Variants in ING1 observed in about 807,000 individuals in gnomAD.
The protein encoded by ING1 is inhibitor of growth protein 1.
ING1 carries 4 observed loss-of-function variants against 23.1 expected under a neutral mutation model. That is an observed-to-expected ratio of 0.17 (90% CI 0.09 to 0.40). ING1 has a LOEUF of 0.40. Ranked by LOEUF, ING1 falls within the 10% of genes least tolerant of loss-of-function variation. The pLI is 1.00. For synonymous variants in ING1, 179 were observed against 166.4 expected, an observed-to-expected ratio of 1.08 and a Z score of -0.58; for missense variants, 256 against 393.8, an observed-to-expected ratio of 0.65 and a Z score of 2.96.
intron 1 of ING1, chr13:110,714,880 A>T: frequency 1.5e-6 from 1 of 673,664 alleles, no homozygotes; most frequent in Non-Finnish European, 1.8e-6. Context: ...GGAGCTGGAC[A>T]CCGAGTAGGG....
Position 110,714,013 on chromosome 13 carries a change from C to T in ING1, c.-137C>T. Reference sequence around the variant, plus strand: ...GGACGGGCTCGGCAGATGTAGCCGCCGGGCCGAAGCAGGAGCCGGCGGGGG... The same window carrying T: ...GGACGGGCTCGGCAGATGTAGCCGCTGGGCCGAAGCAGGAGCCGGCGGGGG... On this transcript the variant is annotated 5_prime_UTR_variant, in exon 1 of 2. Coordinates refer to ENST00000333219, the MANE Select transcript of ING1 (RefSeq NM_198219.3). 8.5e-7 allele frequency: 1 copy of T among 1,182,188 alleles called. No homozygotes were observed. 73.2% of individuals were successfully genotyped at this position (1,182,188 alleles called of 1,614,324 possible).
At chr13:110,715,728 G>T (rs1355897957) in intron 1 of ING1, 4 of 1,587,318 alleles carry the variant, frequency 2.5e-6, no homozygotes, top group Middle Eastern at 1.7e-4. Flanking sequence ...CCAAATCGGC[G>T]ATTCCCATAG....
chr13:110,715,308 C>G (rs1251879258), intron 1 of ING1: 4 of 1,401,932 alleles, frequency 2.9e-6, no homozygotes, highest in Non-Finnish European at 3.7e-6. Context: ...CCGCTATCCC[C>G]GAAAGTACTA....
At position 110,719,266 on chromosome 13, in the gene ING1, C is replaced by T. The variant is rs762850391; in HGVS notation, c.174C>T (p.Phe58=). The T allele has an allele frequency of 1.2e-6, 2 of 1,612,788 alleles. No individual in the cohort carries two copies. Among genetic ancestry groups the T allele is most frequent in the Admixed American group, 3.3e-5 (2 of 60,030 alleles). ...LKELDECYER[F]SRETDGAQKR... is the part of the protein sequence containing the mutation. ...AGCTAGACGAGTGCTACGAGCGCTT[C>T]AGTCGCGAGACAGACGGGGCGCAGA... is the stretch of plus-strand genomic sequence containing the variant. Residue 58 remains phenylalanine (F), a synonymous_variant, in exon 2 of 2, where the codon TTC becomes TTT. Transcript: ENST00000333219. This position sits in a 1 kb window ranked among gnomAD's most constrained non-coding sequence, Gnocchi z 8.9.
At chr13:110,715,897 G>A (rs2064116299) in intron 1 of ING1, 2 of 1,586,158 alleles carry the variant, frequency 1.3e-6, no homozygotes, top group African/African-American at 1.3e-5. Flanking sequence ...GTGGGCTCGG[G>A]GCCGGGGCTG....
At chr13:110,716,175 C>A (rs2064121429) in intron 1 of ING1, among the ~76,000 whole-genome samples, 1 of 152,070 alleles carries the variant, frequency 6.6e-6, no homozygotes, top group South Asian at 2.1e-4. Flanking sequence ...AAAAAAGTAG[C>A]GCGGGGCGGG....
At chr13:110,713,473 C>A, upstream of ING1, 2 of 989,454 alleles carry the variant, frequency 2.0e-6, no homozygotes, top group Non-Finnish European at 2.4e-6. Context: ...CGTCCACACC[C>A]CAGCGGCCCT....
intron 1 of ING1, chr13:110,715,916 AC>A (rs2139969961): frequency 6.4e-7 from 1 of 1,574,410 alleles, no homozygotes. Flanking sequence ...TGCAGTTCGG[AC>A]CGCCTCCCGC....
At chr13:110,716,797 A>G (rs2064127433) in intron 1 of ING1, among the ~76,000 whole-genome samples, 1 of 152,242 alleles carries the variant, frequency 6.6e-6, no homozygotes, top group African/African-American at 2.4e-5. Flanking sequence ...AAAAGGCAGT[A>G]GTGTCTGAAG....
intron 1 of ING1, chr13:110,715,560 T>C (rs756267670): frequency 3.1e-6 from 5 of 1,614,090 alleles, no homozygotes; most frequent in Non-Finnish European, 4.2e-6. Flanking sequence ...GTCTTCTTTT[T>C]TCTTTTTCGG....
At chr13:110,712,800 G>A (rs1359792380), upstream of ING1, 1 of 762,620 alleles carries the variant, frequency 1.3e-6, no homozygotes, top group East Asian at 2.7e-5. Context: ...GCGCCCCTCG[G>A]GCCTATCCAC....
chr13:110,715,777 C>A, intron 1 of ING1: 1 of 1,590,426 alleles, frequency 6.3e-7, no homozygotes, highest in Non-Finnish European at 8.5e-7. Context: ...CTCCCGCTGG[C>A]CTCCTCCCCA....
At chr13:110,714,983 G>C (rs2064095759) in intron 1 of ING1, 1 of 990,584 alleles carries the variant, frequency 1.0e-6, no homozygotes, top group Non-Finnish European at 1.2e-6. Flanking sequence ...AAGGGGAGGA[G>C]CGGAGGCGGG....
chr13:110,714,207 C>T lies in ING1; in HGVS notation c.58C>T (p.Leu20=), dbSNP rs751059042. 5 of 1,569,810 alleles carry T rather than the reference C, an allele frequency of 3.2e-6. No homozygotes were observed. Among genetic ancestry groups the T allele is most frequent in the Non-Finnish European group, 4.3e-6 (5 of 1,160,120 alleles). ...CCTGGTGAACTATGTGGAGGACTACCTGGACTCCATCGAGTCCCTGCCTTT... is the reference window on the plus strand; with the variant it reads ...CCTGGTGAACTATGTGGAGGACTACTTGGACTCCATCGAGTCCCTGCCTTT... ...LHLVNYVEDY[L]DSIESLPFDL... Residue 20 remains leucine (L), a synonymous_variant, in exon 1 of 2, where the codon CTG becomes TTG. Coordinates refer to ENST00000333219, the MANE Select transcript of ING1 (RefSeq NM_198219.3).
At position 110,722,921 on chromosome 13, in the gene ING1, G is replaced by A. The variant is rs1178580796; in HGVS notation, c.*2989G>A. 3 of 152,048 alleles carry A rather than the reference G, an allele frequency of 2.0e-5. No homozygotes were observed. The highest frequency in any genetic ancestry group is 2.9e-5 in the Non-Finnish European group (2 of 68,010). 9.4% of individuals were successfully genotyped at this position (152,048 alleles called of 1,614,324 possible). A position where few individuals can be genotyped will look rare whatever the true frequency, so the allele number is the denominator to read the frequency against. The stretch of plus-strand genomic sequence containing the variant: ...AAAGATCCTGGAATCCCGACATGAG[G>A]ACAAAAATGGTACTGAATTCTTTTT... On this transcript the variant is annotated 3_prime_UTR_variant, in exon 2 of 2. Transcript: ENST00000333219.
rs1348817843 is a variant in ING1 at position 110,723,074 on chromosome 13, T to C, written c.*3142T>C. The stretch of plus-strand genomic sequence containing the variant: ...TAAAGGGTCCAAAGTGTTTTCGTTA[T>C]GATATAATACTTTCTATTGTAAACT... On this transcript the variant is annotated 3_prime_UTR_variant, in exon 2 of 2. Transcript: ENST00000333219. The C allele has an allele frequency of 1.3e-5, 2 of 152,238 alleles. No homozygotes were observed. The highest frequency in any genetic ancestry group is 4.8e-5 in the African/African-American group (2 of 41,450). 9.4% of individuals were successfully genotyped at this position (152,238 alleles called of 1,614,324 possible).
intron 1 of ING1, chr13:110,715,008 G>A: frequency 1.0e-6 from 1 of 992,294 alleles, no homozygotes; most frequent in South Asian, 4.6e-5. Context: ...GCGCCCATCT[G>A]CGCTGCGCTC....
chr13:110,719,287 G>C lies in ING1; in HGVS notation c.195G>C (p.Ala65=). 2.5e-6 allele frequency: 4 copies of C among 1,611,540 alleles called. No individual in the cohort carries two copies. The highest frequency in any genetic ancestry group is 3.4e-6 in the Non-Finnish European group (4 of 1,179,946). Residue 65 remains alanine, a synonymous_variant, in exon 2 of 2, where the codon GCG becomes GCC. Transcript: ENST00000333219. This position sits in a 1 kb window ranked among gnomAD's most constrained non-coding sequence, Gnocchi z 8.9. ...YERFSRETDG[A]QKRRMLHCVQ... is the part of the protein sequence containing the mutation. ...GCTTCAGTCGCGAGACAGACGGGGCGCAGAAGCGGCGGATGCTGCACTGTG... is the reference window on the plus strand; with the variant it reads ...GCTTCAGTCGCGAGACAGACGGGGCCCAGAAGCGGCGGATGCTGCACTGTG...
At position 110,714,295 on chromosome 13, in the gene ING1, G is replaced by T. The variant is rs773523475; in HGVS notation, c.136+10G>T. ...GACGCGAAATACCAAGGTACGGCCG[G>T]GTGATGGATGGGCGGGGGCGGCCGC... is the stretch of plus-strand genomic sequence containing the variant. On this transcript the variant is annotated intron_variant, in intron 1 of 1. Transcript: ENST00000333219. 7.1e-6 allele frequency: 11 copies of T among 1,551,440 alleles called. No individual in the cohort carries two copies. The South Asian group carries it at 1.1e-4, about 15-fold the overall frequency.
Sources: gnomAD v4.1 joint callset for allele counts (sites outside exome capture counted in the v4.1 genomes callset) on GRCh38, gnomAD v4.1.1 for gene constraint, Gnocchi (gnomAD v3.1) non-coding constraint, MANE v1.5 for transcripts, NCBI Gene and HGNC (gene_info 2026-07-23, HGNC 2026-07-21) for gene names.